The following XDH variants were observed in gnomAD, a reference collection of about 807,000 sequenced individuals.
The protein encoded by XDH is xanthine dehydrogenase, also known as xanthine dehydrogenase/oxidase.
A neutral mutation model predicts 156.1 loss-of-function variants in XDH; 138 were observed. The ratio of observed to expected loss-of-function variants is 0.88; its 90% CI spans 0.77 to 1.02. The LOEUF (loss-of-function observed/expected upper bound fraction) is 1.02, where lower values mean the gene tolerates loss of function less well. Among genes scored for constraint, XDH ranks in the 50% least tolerant of loss-of-function variants. XDH has a pLI of 0.00. For synonymous variants in XDH, 669 were observed against 625.7 expected, an observed-to-expected ratio of 1.07 and a Z score of -1.03; for missense variants, 1,849 against 1,684.9, an observed-to-expected ratio of 1.10 and a Z score of -1.71.
intron 16 of XDH, 73 bp downstream of exon 16, chr2:31,373,800 G>T (rs1024467806): frequency 8.8e-6 from 13 of 1,476,420 alleles, no homozygotes; most frequent in Admixed American, 8.7e-5. Flanking sequence ...GTCATTAGCC[G>T]ATGGTCAGCC....
rs747715632 is a variant in XDH, at chr2:31,398,589, A to C, written c.417T>G (p.Ile139Met). 254 of 1,614,000 alleles carry C rather than the reference A, an allele frequency of 1.6e-4. No individual in the cohort carries two copies. Among genetic ancestry groups the C allele is most frequent in the Non-Finnish European group, 2.0e-4 (236 of 1,179,984 alleles). The change falls in exon 5 of 36, where the codon ATT (isoleucine) becomes ATG (methionine). Residue 139 changes from isoleucine to methionine, a missense_variant. Transcript: ENST00000379416. ...RNQPEPTMEE[I>M]ENAFQGNLCR... is the part of the protein sequence containing the mutation. ...GGCCCATACCTTGGAAGGCATTCTC[A>C]ATCTCCTCCATGGTGGGCTCGGGCT...
chr2:31,386,988 AAAGGAAGGAAGG>A (rs72299308), intron 8 of XDH, among the ~76,000 whole-genome samples: 3,342 of 90,462 alleles, frequency 0.037, 163 homozygotes, highest in African/African-American at 0.085. Context: ...GGGAGGGAAG[AAAGGAAGGAAGG>A]AAGGAAGGAA....
At chr2:31,367,924 G>A (rs1262592104) in intron 20 of XDH, 37 bp downstream of exon 20, 2 of 1,601,260 alleles carry the variant, frequency 1.2e-6, no homozygotes, top group Non-Finnish European at 1.7e-6. Context: ...GCAAACCAGG[G>A]CCACCCCATT....
At chr2:31,376,836 G>A (rs1171343467) in intron 14 of XDH, among the ~76,000 whole-genome samples, 1 of 150,354 alleles carries the variant, frequency 6.7e-6, no homozygotes, top group Admixed American at 6.7e-5. Context: ...AATACTCCTA[G>A]TAGTAATACT....
At position 31,387,810 on chromosome 2, in the gene XDH, C is replaced by T. The variant is rs764196019; in HGVS notation, c.651+1G>A. ...GGATCTGTCCCTGAGGCATCACCTA[C>T]CAGCAACTCTGGGGGAAAAATGGGC... On this transcript the variant is annotated splice_donor_variant, in intron 8 of 35. Transcript: ENST00000379416. LOFTEE classifies it high-confidence loss of function. 5 of 1,577,582 alleles carry T rather than the reference C, an allele frequency of 3.2e-6. No individual in the cohort carries two copies. Among genetic ancestry groups the T allele is most frequent in the Non-Finnish European group, 4.3e-6 (5 of 1,161,578 alleles).
intron 17 of XDH, among the ~76,000 whole-genome samples, chr2:31,370,936 C>T (rs1365698015): frequency 6.6e-6 from 1 of 152,230 alleles, no homozygotes; most frequent in Non-Finnish European, 1.5e-5. Flanking sequence ...TCAGAACGAA[C>T]AGCACTTACT....
chr2:31,402,931 A>G lies in XDH; in HGVS notation c.197+117T>C, dbSNP rs543970404. 1.6e-3 allele frequency: 1,762 copies of G among 1,118,384 alleles called. 1 individual carries two copies. The highest frequency in any genetic ancestry group is 2.1e-3 in the Non-Finnish European group (1,598 of 745,866). The allele number at this position is 1,118,384 out of a possible 1,614,324, so 69.3% of individuals were successfully genotyped here. A position where few individuals can be genotyped will look rare whatever the true frequency, so the allele number is the denominator to read the frequency against. ...TTTCCTGTGCACAGATTCTCCATAA[A>G]AACAGGGGCTCACACATGCGCACAT... is the stretch of plus-strand genomic sequence containing the variant. On this transcript the variant is annotated intron_variant, in intron 3 of 35. Coordinates refer to ENST00000379416, the MANE Select transcript of XDH (RefSeq NM_000379.4).
At chr2:31,341,868 G>T (rs1416831218) in intron 32 of XDH, among the ~76,000 whole-genome samples, 1 of 152,166 alleles carries the variant, frequency 6.6e-6, no homozygotes, top group Non-Finnish European at 1.5e-5. Flanking sequence ...AAAATTGTAT[G>T]AGATTCAATT....
intron 6 of XDH, among the ~76,000 whole-genome samples, chr2:31,395,362 C>A (rs761306478): frequency 3.3e-5 from 5 of 152,010 alleles, no homozygotes; most frequent in Non-Finnish European, 5.9e-5. Context: ...CCTGGGGTTG[C>A]GTATTTCCCC....
chr2:31,389,787 A>C (rs1268431791), intron 6 of XDH, among the ~76,000 whole-genome samples: 1 of 151,410 alleles, frequency 6.6e-6, no homozygotes, highest in Non-Finnish European at 1.5e-5. Flanking sequence ...TCTCATCCCC[A>C]CCCTCCTGAG....
At chr2:31,347,464 T>C in intron 29 of XDH, 58 bp downstream of exon 29, 2 of 1,611,384 alleles carry the variant, frequency 1.2e-6, no homozygotes, top group Admixed American at 3.3e-5. Context: ...AGGGAGACTC[T>C]CCAGGCCCAC....
At chr2:31,401,395 G>A in intron 3 of XDH, 67 bp from the exon 4 acceptor site, 2 of 1,536,612 alleles carry the variant, frequency 1.3e-6, no homozygotes, top group Non-Finnish European at 1.8e-6. Context: ...GCCTGACTGT[G>A]AGCTCTGGAG....
intron 14 of XDH, 112 bp from the exon 15 acceptor site, chr2:31,375,666 G>A: frequency 7.6e-7 from 1 of 1,310,694 alleles, no homozygotes; most frequent in Non-Finnish European, 1.1e-6. Flanking sequence ...TCAAAATTTG[G>A]CTTGGATACT....
At chr2:31,388,413 C>G in intron 6 of XDH, 118 bp from the exon 7 acceptor site, 1 of 1,113,530 alleles carries the variant, frequency 9.0e-7, no homozygotes, top group Non-Finnish European at 1.3e-6. Flanking sequence ...CCAGCATCAA[C>G]AGCAGGGGCA....
intron 24 of XDH, among the ~76,000 whole-genome samples, chr2:31,355,879 C>T (rs951894787): frequency 6.6e-6 from 1 of 152,068 alleles, no homozygotes; most frequent in African/African-American, 2.4e-5. Flanking sequence ...TCAAGAAAAT[C>T]ACTTCAAATA....
chr2:31,340,989 G>A (rs537165585), intron 33 of XDH, among the ~76,000 whole-genome samples: 57 of 152,248 alleles, frequency 3.7e-4, no homozygotes, highest in Non-Finnish European at 7.1e-4. Flanking sequence ...CACTGTCTGG[G>A]CATTGATCCC....
At chr2:31,374,935 C>T (rs145758685) in intron 15 of XDH, among the ~76,000 whole-genome samples, 2 of 152,242 alleles carry the variant, frequency 1.3e-5, no homozygotes, top group Non-Finnish European at 2.9e-5. Flanking sequence ...TGCAGCCCCA[C>T]CTGACATTCC....
chr2:31,376,057 A>C (rs1686236564), intron 14 of XDH, among the ~76,000 whole-genome samples: 1 of 152,164 alleles, frequency 6.6e-6, no homozygotes, highest in Non-Finnish European at 1.5e-5. Flanking sequence ...AATGTTAGTG[A>C]AGTGTTCGGT....
At chr2:31,365,882 T>C (rs1349939496) in intron 22 of XDH, 94 bp downstream of exon 22, 2 of 1,591,060 alleles carry the variant, frequency 1.3e-6, no homozygotes, top group Admixed American at 1.7e-5. Flanking sequence ...GGGAAACTAA[T>C]TCTAACAGGG....
Sources: allele counts gnomAD v4.1 joint callset (sites outside exome capture counted in the v4.1 genomes callset), GRCh38; gene constraint gnomAD v4.1.1; transcripts MANE v1.5; gene names NCBI Gene and HGNC (gene_info 2026-07-23, HGNC 2026-07-21).